Variants in EBF2 observed in about 807,000 individuals in gnomAD.
EBF2 encodes the protein transcription factor COE2.
A neutral mutation model predicts 72.8 loss-of-function variants in EBF2; 21 were observed. The ratio of observed to expected loss-of-function variants is 0.29; its 90% CI spans 0.20 to 0.42. EBF2 has a LOEUF of 0.42. EBF2 is among the 10% of genes least tolerant of loss of function. The probability of loss-of-function intolerance (pLI) is 1.00; values close to 1 mark genes in which losing one functional copy is unlikely to be tolerated. For missense variants in EBF2, 637 were observed against 731.2 expected, an observed-to-expected ratio of 0.87 and a Z score of 1.49; for synonymous variants, 299 against 274.2, an observed-to-expected ratio of 1.09 and a Z score of -0.89.
At chr8:25,853,490 CACTAAAT>C (rs1802024189) in intron 14 of EBF2, among the ~76,000 whole-genome samples, 1 of 134,240 alleles carries the variant, frequency 7.4e-6, no homozygotes, top group South Asian at 2.6e-4. Flanking sequence ...ATTTTCCACT[CACTAAAT>C]AGAAAAACTT....
chr8:26,008,896 G>A (rs1421084041), intron 6 of EBF2, among the ~76,000 whole-genome samples: 1 of 148,762 alleles, frequency 6.7e-6, no homozygotes, highest in African/African-American at 2.5e-5. Flanking sequence ...AACAACACAT[G>A]CTATGTGTGT....
At chr8:25,981,528 G>A (rs571927759) in intron 6 of EBF2, among the ~76,000 whole-genome samples, 10 of 152,124 alleles carry the variant, frequency 6.6e-5, no homozygotes, top group Non-Finnish European at 1.2e-4. Context: ...TGGAAGGCCC[G>A]ATGTGGTGGC....
chr8:25,984,541 G>T (rs1348009832), intron 6 of EBF2, among the ~76,000 whole-genome samples: 1 of 152,156 alleles, frequency 6.6e-6, no homozygotes, highest in Non-Finnish European at 1.5e-5. Context: ...AATTAGCCAG[G>T]CCTGGTGGCG....
At chr8:26,015,245 C>T (rs1312142008) in intron 6 of EBF2, among the ~76,000 whole-genome samples, 3 of 152,198 alleles carry the variant, frequency 2.0e-5, no homozygotes, top group Admixed American at 1.3e-4. Context: ...ACAATATCAA[C>T]ATGACTTCCA....
At chr8:25,847,170 C>T (rs1801857475) in intron 15 of EBF2, among the ~76,000 whole-genome samples, 1 of 152,154 alleles carries the variant, frequency 6.6e-6, no homozygotes, top group African/African-American at 2.4e-5. Context: ...GGCACCTTGC[C>T]TATAGTGCTC....
chr8:25,968,424 A>C (rs1030826339), intron 6 of EBF2, among the ~76,000 whole-genome samples: 1 of 152,234 alleles, frequency 6.6e-6, no homozygotes, highest in Admixed American at 6.5e-5. Context: ...GAGTGAAATA[A>C]ACCAGTTATG....
intron 6 of EBF2, among the ~76,000 whole-genome samples, chr8:25,964,115 G>A (rs1380255135): frequency 6.6e-6 from 1 of 152,076 alleles, no homozygotes; most frequent in Non-Finnish European, 1.5e-5. Context: ...CGCACCTAAA[G>A]GTTCTCTTGC....
At chr8:25,856,957 G>T (rs1017573510) in intron 14 of EBF2, among the ~76,000 whole-genome samples, 1 of 152,024 alleles carries the variant, frequency 6.6e-6, no homozygotes, top group East Asian at 1.9e-4. Context: ...GTTTCTTTTA[G>T]CTCAGTTTCT....
chr8:25,866,518 A>C (rs1802320963), intron 10 of EBF2, among the ~76,000 whole-genome samples: 1 of 143,852 alleles, frequency 7.0e-6, no homozygotes, highest in South Asian at 2.1e-4. Flanking sequence ...GGACATATAT[A>C]ATATAAAAAT....
chr8:25,971,415 G>A, intron 6 of EBF2, among the ~76,000 whole-genome samples: 1 of 152,058 alleles, frequency 6.6e-6, no homozygotes, highest in East Asian at 1.9e-4. Context: ...GGAACAAGAG[G>A]GAAACACTAC....
chr8:25,871,529 C>T (rs996722674), intron 10 of EBF2, among the ~76,000 whole-genome samples: 7 of 152,080 alleles, frequency 4.6e-5, no homozygotes, highest in Non-Finnish European at 1.0e-4. Context: ...TTTATATTTA[C>T]CTTTTATTAA....
intron 10 of EBF2, among the ~76,000 whole-genome samples, chr8:25,884,125 C>G (rs977531882): frequency 6.6e-6 from 1 of 152,122 alleles, no homozygotes; most frequent in Non-Finnish European, 1.5e-5. Context: ...GCCTGACTTT[C>G]CAACCTCATC....
intron 6 of EBF2, among the ~76,000 whole-genome samples, chr8:25,915,020 A>G (rs1803187826): frequency 6.6e-6 from 1 of 152,242 alleles, no homozygotes; most frequent in Non-Finnish European, 1.5e-5. Flanking sequence ...CTAAAAGACT[A>G]TGATGAAACA....
intron 6 of EBF2, among the ~76,000 whole-genome samples, chr8:25,977,067 G>GTCTGAGCTGTTATCTGACTGAGA (rs1428670074): frequency 6.6e-6 from 1 of 152,118 alleles, no homozygotes; most frequent in Non-Finnish European, 1.5e-5. Flanking sequence ...ATGTTCCCAG[G>GTCTGAGCTGTTATCTGACTGAGA]TCTGAGCTGT....
intron 8 of EBF2, among the ~76,000 whole-genome samples, chr8:25,889,212 A>T (rs1344032794): frequency 6.6e-6 from 1 of 152,210 alleles, no homozygotes; most frequent in Non-Finnish European, 1.5e-5. Context: ...TAGATTTGTC[A>T]GTTATCTTCA....
intron 10 of EBF2, among the ~76,000 whole-genome samples, chr8:25,872,689 A>G (rs989137669): frequency 1.2e-5 from 1 of 80,314 alleles, no homozygotes; most frequent in Non-Finnish European, 2.9e-5. Context: ...AAACAACAAC[A>G]ACAACAACAA....
intron 6 of EBF2, among the ~76,000 whole-genome samples, chr8:25,956,475 G>A (rs777221583): frequency 2.6e-5 from 4 of 152,040 alleles, no homozygotes; most frequent in Non-Finnish European, 5.9e-5. Context: ...CTTGTTACAT[G>A]GATATATTGC....
intron 6 of EBF2, among the ~76,000 whole-genome samples, chr8:25,977,361 C>T (rs534572924): frequency 1.6e-4 from 24 of 152,288 alleles, no homozygotes; most frequent in African/African-American, 5.8e-4. Flanking sequence ...CTATCAAACA[C>T]GAGCTTCCTT....
rs1389026841 is a variant in EBF2 at position 25,888,068 on chromosome 8, G to A, written c.752-96C>T. 5 of 1,403,376 alleles carry A rather than the reference G, an allele frequency of 3.6e-6. No homozygotes were observed. In the African/African-American group the frequency reaches 4.3e-5, roughly 12 times the overall value. 86.9% of individuals were successfully genotyped at this position (1,403,376 alleles called of 1,614,324 possible). A position where few individuals can be genotyped will look rare whatever the true frequency, so the allele number is the denominator to read the frequency against. ...CACATTGGAAGAAGAATTGTCTTGG[G>A]CCACGTATAAAATACACTAATGCTA... On this transcript the variant is annotated intron_variant, in intron 8 of 15. Transcript: ENST00000520164.
Sources: allele counts gnomAD v4.1 joint callset (sites outside exome capture counted in the v4.1 genomes callset), GRCh38; gene constraint gnomAD v4.1.1; transcripts MANE v1.5; gene names NCBI Gene and HGNC (gene_info 2026-07-23, HGNC 2026-07-21).